Variants in WLS observed in about 807,000 individuals in gnomAD.
The protein encoded by WLS is Wnt ligand secretion mediator, also known as protein wntless homolog.
WLS carries 23 observed loss-of-function variants against 62.8 expected under a neutral mutation model. That is an observed-to-expected ratio of 0.37 (90% CI 0.26 to 0.52). The LOEUF is 0.52. WLS is among the 20% of genes least tolerant of loss of function. The probability of loss-of-function intolerance (pLI) is 0.92; values close to 1 mark genes in which losing one functional copy is unlikely to be tolerated. For synonymous variants in WLS, 246 were observed against 244.1 expected (o/e 1.01, Z -0.07); for missense variants, 615 against 697.3 (o/e 0.88, Z 1.33).
intron 1 of WLS, among the ~76,000 whole-genome samples, chr1:68,223,019 CT>C (rs1416686320): frequency 6.6e-6 from 1 of 152,130 alleles, no homozygotes; most frequent in Non-Finnish European, 1.5e-5. Context: ...TGAATAGAGA[CT>C]TTTAATCAAT....
At chr1:68,226,668 C>T (rs930797887) in intron 1 of WLS, among the ~76,000 whole-genome samples, 18 of 152,048 alleles carry the variant, frequency 1.2e-4, no homozygotes, top group Non-Finnish European at 1.5e-4. Flanking sequence ...CCCACAGCTC[C>T]CCTAGTTTAC....
intron 11 of WLS, among the ~76,000 whole-genome samples, chr1:68,127,489 C>T (rs1351530931): frequency 6.6e-6 from 1 of 152,132 alleles, no homozygotes; most frequent in Non-Finnish European, 1.5e-5. Flanking sequence ...AGTTAAACCT[C>T]GAAAACTCTG....
chr1:68,195,813 T>C (rs1285147692), intron 1 of WLS, among the ~76,000 whole-genome samples: 1 of 152,052 alleles, frequency 6.6e-6, no homozygotes, highest in Non-Finnish European at 1.5e-5. Flanking sequence ...TGCAATTTCA[T>C]TTTTTCTAAT....
chr1:68,134,791 CT>C (rs1646581546), intron 11 of WLS, among the ~76,000 whole-genome samples: 1 of 152,234 alleles, frequency 6.6e-6, no homozygotes, highest in Non-Finnish European at 1.5e-5. Flanking sequence ...ATGAAAAACT[CT>C]GTTGAGGAAG....
At chr1:68,152,777 T>C (rs1646844359) in intron 5 of WLS, among the ~76,000 whole-genome samples, 1 of 152,058 alleles carries the variant, frequency 6.6e-6, no homozygotes, top group East Asian at 1.9e-4. Context: ...TGTCTAAGAA[T>C]GGGAGATGGC....
intron 1 of WLS, among the ~76,000 whole-genome samples, chr1:68,212,272 A>G (rs1649545281): frequency 6.6e-6 from 1 of 152,226 alleles, no homozygotes; most frequent in Admixed American, 6.5e-5. Context: ...GAAGGGAAAT[A>G]CAGATGGAGT....
intron 11 of WLS, among the ~76,000 whole-genome samples, chr1:68,107,633 GA>G (rs923608168): frequency 1.1e-4 from 16 of 152,180 alleles, no homozygotes; most frequent in African/African-American, 2.2e-4. Context: ...AGAGAAGGGG[GA>G]AAAAAACATG....
intron 1 of WLS, among the ~76,000 whole-genome samples, chr1:68,221,260 A>G (rs1275577682): frequency 2.0e-5 from 3 of 152,198 alleles, no homozygotes; most frequent in Non-Finnish European, 4.4e-5. Flanking sequence ...AGGCATGAAT[A>G]AAAAGATAGC....
At chr1:68,167,991 C>T (rs1647085748) in intron 2 of WLS, among the ~76,000 whole-genome samples, 2 of 152,144 alleles carry the variant, frequency 1.3e-5, no homozygotes, top group East Asian at 1.9e-4. Flanking sequence ...GGAAGTCTGT[C>T]TCTATACCAG....
chr1:68,190,479 G>A (rs551382479), intron 2 of WLS, among the ~76,000 whole-genome samples: 12 of 152,312 alleles, frequency 7.9e-5, no homozygotes, highest in Middle Eastern at 3.4e-3. Context: ...AAGATTCAGC[G>A]GTTTCCCTCT....
At chr1:68,188,494 A>G (rs1384329745) in intron 2 of WLS, among the ~76,000 whole-genome samples, 1 of 152,240 alleles carries the variant, frequency 6.6e-6, no homozygotes, top group Non-Finnish European at 1.5e-5. Context: ...CACTGTGCAG[A>G]ACACAAGGCT....
chr1:68,185,020 T>C (rs1357605707), intron 2 of WLS, among the ~76,000 whole-genome samples: 4 of 152,160 alleles, frequency 2.6e-5, no homozygotes, highest in Admixed American at 6.5e-5. Flanking sequence ...GACCCAGGTG[T>C]GATGGAAGGA....
At position 68,159,186 on chromosome 1, in the gene WLS, C is replaced by T. The variant is rs1570914163; in HGVS notation, c.441G>A (p.Glu147=). ...SLAYRDDAFA[E]WTEMAHERVP... is the part of the protein sequence containing the mutation. Reference sequence around the variant, plus strand: ...CTCTTTCATGGGCCATTTCAGTCCACTCAGCAAACGCGTCATCACGGTAAG... The same window carrying T: ...CTCTTTCATGGGCCATTTCAGTCCATTCAGCAAACGCGTCATCACGGTAAG... Residue 147 remains glutamate (E), a synonymous_variant, in exon 3 of 12, where the codon GAG becomes GAA. Coordinates refer to ENST00000262348, the MANE Select transcript of WLS (RefSeq NM_024911.7). The T allele has an allele frequency of 6.2e-7, 1 of 1,614,136 alleles. No individual in the cohort carries two copies. Among genetic ancestry groups the T allele is most frequent in the East Asian group, 2.2e-5 (1 of 44,870 alleles).
chr1:68,214,182 AACACAC>A (rs71581159), intron 1 of WLS, among the ~76,000 whole-genome samples: 4 of 146,512 alleles, frequency 2.7e-5, no homozygotes, highest in African/African-American at 5.1e-5. Flanking sequence ...GTGATCTCTG[AACACAC>A]ACACACACAC....
rs74992442 is a variant in WLS, at chr1:68,161,918, C to T, written c.380-2671G>A. Reference sequence around the variant, plus strand: ...GGAAGTCCTCCTGGAGCCACGCCCACGATGCCTGGCGGATATCTGTATGTG... The same window carrying T: ...GGAAGTCCTCCTGGAGCCACGCCCATGATGCCTGGCGGATATCTGTATGTG... On this transcript the variant is annotated intron_variant, in intron 2 of 11. Transcript: ENST00000262348. 3.1e-6 allele frequency: 5 copies of T among 1,610,394 alleles called. No homozygotes were observed. In the African/African-American group the frequency reaches 5.3e-5, roughly 17 times the overall value.
intron 11 of WLS, among the ~76,000 whole-genome samples, chr1:68,134,196 G>T (rs979247532): frequency 6.6e-6 from 1 of 152,170 alleles, no homozygotes; most frequent in Non-Finnish European, 1.5e-5. Flanking sequence ...GTCTTTCCAA[G>T]GAACTTCGAA....
intron 4 of WLS, among the ~76,000 whole-genome samples, chr1:68,154,570 T>G (rs1055001606): frequency 6.6e-6 from 1 of 152,200 alleles, no homozygotes; most frequent in African/African-American, 2.4e-5. Flanking sequence ...AGGAGATATA[T>G]CAAAACCTGA....
At chr1:68,187,073 G>A (rs188731443) in intron 2 of WLS, among the ~76,000 whole-genome samples, 63 of 151,340 alleles carry the variant, frequency 4.2e-4, no homozygotes, top group African/African-American at 1.2e-3. Flanking sequence ...TTAGCCGGGC[G>A]TGGTGGCAGG....
intron 1 of WLS, among the ~76,000 whole-genome samples, chr1:68,227,405 C>CAAA (rs59704442): frequency 2.6e-4 from 29 of 112,816 alleles, no homozygotes; most frequent in Middle Eastern, 5.1e-3. Context: ...GACTCCGTCA[C>CAAA]AAAAAAAAAA....
Sources: gnomAD v4.1 joint callset for allele counts (sites outside exome capture counted in the v4.1 genomes callset) on GRCh38, gnomAD v4.1.1 for gene constraint, MANE v1.5 for transcripts, NCBI Gene and HGNC (gene_info 2026-07-23, HGNC 2026-07-21) for gene names.